Variants in CDH22 observed in about 807,000 individuals in gnomAD.
The protein encoded by CDH22 is cadherin 22.
CDH22 carries 30 observed loss-of-function variants against 58.4 expected under a neutral mutation model. The ratio of observed to expected loss-of-function variants is 0.51; its 90% confidence interval spans 0.38 to 0.70. CDH22 has a LOEUF of 0.70. Among genes scored for constraint, CDH22 ranks in the 30% least tolerant of loss-of-function variants. The pLI is 0.00. For missense variants in CDH22, 1,014 were observed against 1,233.9 expected, an observed-to-expected ratio of 0.82 and a Z score of 2.67; for synonymous variants, 513 against 558.2, an observed-to-expected ratio of 0.92 and a Z score of 1.14.
In CDH22 at chr20:46,300,771, A is replaced by C. The variant is rs1350060866; in HGVS notation, c.-400+7484T>G. ...TGAGGAATCTGGTGAGCGCCACACGACTCCTGCCAAAAACGTCCCAGTGGT... is the reference window on the plus strand; with the variant it reads ...TGAGGAATCTGGTGAGCGCCACACGCCTCCTGCCAAAAACGTCCCAGTGGT... On this transcript the variant is annotated intron_variant, in intron 1 of 11. Coordinates refer to ENST00000537909, the MANE Select transcript of CDH22 (RefSeq NM_021248.3). The surrounding 1 kb of genome is among the most constrained non-coding windows in gnomAD (Gnocchi z 4.4). Among the ~76,000 whole-genome samples the C allele has an allele frequency of 6.6e-6, 1 of 151,976 alleles. No homozygotes were observed. Among genetic ancestry groups the C allele is most frequent in the Admixed American group, 6.6e-5 (1 of 15,248 alleles).
chr20:46,207,479 G>A (rs959906905), intron 7 of CDH22, among the ~76,000 whole-genome samples: 8 of 152,228 alleles, frequency 5.3e-5, no homozygotes, highest in African/African-American at 1.9e-4. Context: ...TGCCCTTCCT[G>A]GAGAGGTCTG....
At position 46,233,109 on chromosome 20, in the gene CDH22, G is replaced by A. The variant is rs980538898; in HGVS notation, c.551-5482C>T. 2.6e-5 allele frequency among the ~76,000 whole-genome samples: 4 copies of A among 152,168 alleles called. No homozygotes were observed. In the South Asian group the frequency reaches 8.3e-4, roughly 32 times the overall value. ...CAGAGCAAATAGAACAGAGACAGAG[G>A]TACATATGGAGCAGGAAGAGGGGGC... On this transcript the variant is annotated intron_variant, in intron 3 of 11. Transcript: ENST00000537909.
At chr20:46,204,116 C>G (rs763890923) in intron 7 of CDH22, among the ~76,000 whole-genome samples, 2 of 151,978 alleles carry the variant, frequency 1.3e-5, no homozygotes, top group African/African-American at 4.8e-5. Flanking sequence ...GATAGTAGGC[C>G]GGGCAGGGTG....
intron 1 of CDH22, among the ~76,000 whole-genome samples, chr20:46,298,883 G>T (rs1390384977): frequency 2.0e-5 from 3 of 152,124 alleles, no homozygotes; most frequent in Non-Finnish European, 4.4e-5. Flanking sequence ...TCTGAGTCCT[G>T]TTGATCCTAT....
intron 8 of CDH22, among the ~76,000 whole-genome samples, chr20:46,189,924 C>T (rs963311590): frequency 2.0e-4 from 31 of 151,866 alleles, no homozygotes; most frequent in South Asian, 4.2e-4. Flanking sequence ...TTAAAAACAC[C>T]GATGCCCAAA....
chr20:46,275,029 C>T (rs2086510678), intron 1 of CDH22, among the ~76,000 whole-genome samples: 1 of 152,128 alleles, frequency 6.6e-6, no homozygotes, highest in African/African-American at 2.4e-5. Context: ...TTGCACAACT[C>T]TGTAATTTAC....
intron 10 of CDH22, among the ~76,000 whole-genome samples, chr20:46,183,983 G>T (rs985075847): frequency 2.0e-5 from 3 of 152,058 alleles, no homozygotes; most frequent in African/African-American, 7.2e-5. Context: ...CTTCCACTGG[G>T]GTGGTCGTTT....
Position 46,178,129 on chromosome 20 carries a change from G to T in CDH22, c.1732C>A (p.Pro578Thr), listed in dbSNP as rs1386253649. The T allele has an allele frequency of 1.2e-6, 2 of 1,614,058 alleles. No individual in the cohort carries two copies. Among genetic ancestry groups the T allele is most frequent in the East Asian group, 4.5e-5 (2 of 44,888 alleles). The stretch of plus-strand genomic sequence containing the variant: ...GGCCCACTGTCTACCACCAGGATGG[G>T]CAGGAAGAACACGTCCTGCTCCTGC... ...NRQEQDVFFL[P>T]ILVVDSGPPT... The change falls in exon 11 of 12, where the codon CCC (proline) becomes ACC (threonine). Residue 578 changes from proline to threonine, a missense_variant. Transcript: ENST00000537909.
chr20:46,181,101 A>G (rs2085780958), intron 10 of CDH22, among the ~76,000 whole-genome samples: 1 of 152,004 alleles, frequency 6.6e-6, no homozygotes, highest in Admixed American at 6.6e-5. Context: ...TTTATTAACT[A>G]CTATGTGCTA....
chr20:46,236,650 TATC>T (rs1306064369), intron 3 of CDH22, among the ~76,000 whole-genome samples: 1 of 22,266 alleles, frequency 4.5e-5, no homozygotes, highest in Non-Finnish European at 1.2e-4. Context: ...TATATATTAA[TATC>T]TATCTATCTA....
rs958619460 is a variant in CDH22, at chr20:46,243,129, G to A, written c.256-1872C>T. On this transcript the variant is annotated intron_variant, in intron 2 of 11. Coordinates refer to ENST00000537909, the MANE Select transcript of CDH22 (RefSeq NM_021248.3). The stretch of plus-strand genomic sequence containing the variant: ...AATCCCTAAAGTTCCTTTCAGGCTG[G>A]GGTGCTGGGGACCCCAGCCCACTAG... 9.2e-5 allele frequency among the ~76,000 whole-genome samples: 14 copies of A among 152,246 alleles called. No individual in the cohort carries two copies. The East Asian group carries it at 2.7e-3, about 30-fold the overall frequency.
intron 2 of CDH22, among the ~76,000 whole-genome samples, chr20:46,247,194 A>T (rs934273279): frequency 6.6e-6 from 1 of 152,210 alleles, no homozygotes; most frequent in Non-Finnish European, 1.5e-5. Flanking sequence ...ACTTAACAAC[A>T]TAAAAGTGAA....
At position 46,227,548 on chromosome 20, in the gene CDH22, C is replaced by T; in HGVS notation, c.630G>A (p.Val210=). Residue 210 remains valine (V), a synonymous_variant, in exon 4 of 12, where the codon GTG becomes GTA. Coordinates refer to ENST00000537909, the MANE Select transcript of CDH22 (RefSeq NM_021248.3). ...YGSSARLVYS[V]LDGEHHFTVD... ...CGGTGAAGTGGTGCTCGCCGTCCAG[C>T]ACGCTGTACACCAGCCGAGCGCTGC... 6.2e-7 allele frequency: 1 copy of T among 1,611,892 alleles called. No homozygotes were observed.
At chr20:46,181,704 TTTC>T (rs2085785750) in intron 10 of CDH22, among the ~76,000 whole-genome samples, 1 of 111,104 alleles carries the variant, frequency 9.0e-6, no homozygotes, top group Admixed American at 8.7e-5. Flanking sequence ...TTTCTTTTCT[TTTC>T]TTTCTTTTTT....
chr20:46,186,855 C>T lies in CDH22; in HGVS notation c.1516G>A (p.Ala506Thr). 1 of 1,610,572 alleles carries T rather than the reference C, an allele frequency of 6.2e-7. No homozygotes were observed. Among genetic ancestry groups the T allele is most frequent in the East Asian group, 2.2e-5 (1 of 44,832 alleles). Residue 506 changes from alanine to threonine, a missense_variant, in exon 9 of 12, where the codon GCT (alanine) becomes ACT (threonine). Ala to Thr is a moderately conservative substitution (Grantham distance 58). Transcript: ENST00000537909. Reference protein sequence around the residue: ...PPELATPYEAAVCEDAKPGQL... With the variant: ...PPELATPYEATVCEDAKPGQL... ...CCTGGCTTGGCATCCTCGCATACAG[C>T]TGCCTCGTAGGGTGTGGCCAGTTCT... is the stretch of plus-strand genomic sequence containing the variant.
Position 46,300,125 on chromosome 20 carries a change from C to T in CDH22, c.-400+8130G>A, listed in dbSNP as rs981774255. On this transcript the variant is annotated intron_variant, in intron 1 of 11. Coordinates refer to ENST00000537909, the MANE Select transcript of CDH22 (RefSeq NM_021248.3). This position sits in a 1 kb window ranked among gnomAD's most constrained non-coding sequence, Gnocchi z 4.4. ...CCCTTCTGTATCAAGGACTTGGACTCGTCAGTCCCTAAAGGCCCTTTCAAC... is the reference window on the plus strand; with the variant it reads ...CCCTTCTGTATCAAGGACTTGGACTTGTCAGTCCCTAAAGGCCCTTTCAAC... Among the ~76,000 whole-genome samples, 3 of 152,146 alleles carry T rather than the reference C, an allele frequency of 2.0e-5. No individual in the cohort carries two copies. The highest frequency in any genetic ancestry group is 2.9e-5 in the Non-Finnish European group (2 of 68,022).
intron 4 of CDH22, among the ~76,000 whole-genome samples, chr20:46,226,112 C>G (rs917847528): frequency 4.6e-5 from 7 of 152,272 alleles, no homozygotes; most frequent in South Asian, 2.1e-4. Context: ...ACCTGATTGC[C>G]GAAGCCTGAG....
intron 4 of CDH22, among the ~76,000 whole-genome samples, chr20:46,223,699 T>C (rs1460685473): frequency 1.3e-5 from 1 of 75,402 alleles, no homozygotes; most frequent in Admixed American, 1.3e-4. Flanking sequence ...CTTTCTTTCT[T>C]TCTTTCTTTC....
In CDH22 at chr20:46,240,982, C is replaced by T. The variant is rs2086285411; in HGVS notation, c.531G>A (p.Val177=). 1 of 1,612,766 alleles carries T rather than the reference C, an allele frequency of 6.2e-7. No homozygotes were observed. The highest frequency in any genetic ancestry group is 1.3e-5 in the African/African-American group (1 of 75,040). ...RFLHGPYIGS[V]AELSPTGTSV... ...GCCCACCTGTAGGTGAGAGCTCGGCCACGCTGCCAATATAGGGGCCGTGCA... is the reference window on the plus strand; with the variant it reads ...GCCCACCTGTAGGTGAGAGCTCGGCTACGCTGCCAATATAGGGGCCGTGCA... Residue 177 remains valine (V), a synonymous_variant, in exon 3 of 12, where the codon GTG becomes GTA. Transcript: ENST00000537909.
Sources: gnomAD v4.1 joint callset for allele counts (sites outside exome capture counted in the v4.1 genomes callset) on GRCh38, gnomAD v4.1.1 for gene constraint, Gnocchi (gnomAD v3.1) non-coding constraint, MANE v1.5 for transcripts, NCBI Gene and HGNC (gene_info 2026-07-23, HGNC 2026-07-21) for gene names.